Variants in SRBD1 observed in about 807,000 individuals in gnomAD.
The protein encoded by SRBD1 is S1 RNA binding domain 1.
Under a neutral mutation model 115.3 loss-of-function variants are expected in SRBD1, and 88 were observed. That is an observed-to-expected ratio of 0.76 (90% CI 0.64 to 0.91). SRBD1 has a LOEUF of 0.91. Ranked by LOEUF, SRBD1 falls within the 40% of genes least tolerant of loss-of-function variation. The pLI, the probability that SRBD1 is intolerant of heterozygous loss-of-function variation, is 0.00. For synonymous variants in SRBD1, 509 were observed against 407.7 expected, an observed-to-expected ratio of 1.25 and a Z score of -2.99; for missense variants, 1,385 against 1,177.4, an observed-to-expected ratio of 1.18 and a Z score of -2.58.
At chr2:45,570,882 A>C (rs1178590318) in intron 9 of SRBD1, among the ~76,000 whole-genome samples, 1 of 152,166 alleles carries the variant, frequency 6.6e-6, no homozygotes, top group Non-Finnish European at 1.5e-5. Context: ...AGGACAGAAG[A>C]AGCCTCCCAG....
intron 16 of SRBD1, among the ~76,000 whole-genome samples, chr2:45,475,568 T>C (rs1262718985): frequency 6.6e-6 from 1 of 152,222 alleles, no homozygotes; most frequent in Admixed American, 6.5e-5. Flanking sequence ...AATAGCTTAT[T>C]AGCCTGCCCA....
intron 19 of SRBD1, among the ~76,000 whole-genome samples, chr2:45,401,975 A>G (rs1221273782): frequency 6.6e-6 from 1 of 152,212 alleles, no homozygotes; most frequent in Non-Finnish European, 1.5e-5. Context: ...CTCAAGGAGC[A>G]GTTCAGAGAT....
chr2:45,499,271 A>C (rs936842805), intron 14 of SRBD1, among the ~76,000 whole-genome samples: 2 of 152,078 alleles, frequency 1.3e-5, no homozygotes, highest in Non-Finnish European at 2.9e-5. Flanking sequence ...TCTTTAATAT[A>C]TCTAGTGGTT....
chr2:45,425,451 C>G (rs1316668675), intron 16 of SRBD1, among the ~76,000 whole-genome samples: 1 of 151,998 alleles, frequency 6.6e-6, no homozygotes, highest in Admixed American at 6.6e-5. Flanking sequence ...GTGACTTGTA[C>G]AAATAAATTA....
intron 4 of SRBD1, among the ~76,000 whole-genome samples, chr2:45,593,052 T>A (rs61127409): frequency 0.013 from 1,958 of 152,262 alleles, 28 homozygotes; most frequent in African/African-American, 0.037. Context: ...TTATATTTTT[T>A]AAAAATTAAC....
chr2:45,460,308 A>G (rs1572664748), intron 16 of SRBD1, among the ~76,000 whole-genome samples: 1 of 152,308 alleles, frequency 6.6e-6, no homozygotes, highest in South Asian at 2.1e-4. Context: ...GTCAACACAT[A>G]TCCGACTAGG....
At chr2:45,607,557 A>G (rs1180445257) in intron 1 of SRBD1, among the ~76,000 whole-genome samples, 2 of 152,194 alleles carry the variant, frequency 1.3e-5, no homozygotes, top group African/African-American at 4.8e-5. Context: ...ATTGCAACAC[A>G]TAAAAATTAA....
chr2:45,522,299 A>G (rs1304186886), intron 14 of SRBD1, among the ~76,000 whole-genome samples: 1 of 152,038 alleles, frequency 6.6e-6, no homozygotes, highest in Non-Finnish European at 1.5e-5. Context: ...CAGCCTCCCA[A>G]GTAGCTGTAG....
chr2:45,438,434 G>T (rs932960354), intron 16 of SRBD1, among the ~76,000 whole-genome samples: 2 of 152,154 alleles, frequency 1.3e-5, no homozygotes, highest in African/African-American at 2.4e-5. Context: ...GGATGACCCA[G>T]ATGTTGGAAA....
At chr2:45,589,608 G>T (rs976428947) in intron 4 of SRBD1, among the ~76,000 whole-genome samples, 2 of 152,194 alleles carry the variant, frequency 1.3e-5, no homozygotes, top group African/African-American at 4.8e-5. Context: ...CCAGACACTG[G>T]ATGGTACTAG....
intron 20 of SRBD1, among the ~76,000 whole-genome samples, chr2:45,391,007 G>C (rs181547269): frequency 2.6e-4 from 39 of 152,214 alleles, no homozygotes; most frequent in Non-Finnish European, 4.4e-4. Flanking sequence ...CACTGATCAG[G>C]GGCAGAGGTA....
intron 19 of SRBD1, among the ~76,000 whole-genome samples, chr2:45,403,470 T>C (rs1379209672): frequency 6.6e-6 from 1 of 152,182 alleles, no homozygotes; most frequent in East Asian, 1.9e-4. Context: ...ATTTATTTTT[T>C]CATCAAACAT....
In SRBD1 at chr2:45,418,242, C is replaced by T. The variant is rs1459991432; in HGVS notation, c.2333+123G>A. The T allele has an allele frequency of 5.3e-5, 61 of 1,152,732 alleles. No homozygotes were observed. The South Asian group carries it at 1.1e-3, about 21-fold the overall frequency. The allele number at this position is 1,152,732 out of a possible 1,614,324, so 71.4% of individuals were successfully genotyped here. On this transcript the variant is annotated intron_variant, in intron 18 of 20. Transcript: ENST00000263736. ...CCTACCAAAGGACAGTCACTCAACA[C>T]TTAACTGAATGAAGGCATGAACAAT...
At chr2:45,527,065 T>A (rs750844202) in intron 14 of SRBD1, among the ~76,000 whole-genome samples, 8 of 151,948 alleles carry the variant, frequency 5.3e-5, no homozygotes, top group African/African-American at 1.7e-4. Flanking sequence ...AGCTTTAATC[T>A]GAAAAGCATA....
chr2:45,505,445 C>T (rs1670768166), intron 14 of SRBD1, among the ~76,000 whole-genome samples: 1 of 152,144 alleles, frequency 6.6e-6, no homozygotes, highest in African/African-American at 2.4e-5. Flanking sequence ...CCCAGAGAAA[C>T]ATCCAACTCA....
intron 19 of SRBD1, among the ~76,000 whole-genome samples, chr2:45,397,194 CT>C (rs1667170976): frequency 6.6e-6 from 1 of 152,142 alleles, no homozygotes; most frequent in Admixed American, 6.5e-5. Context: ...AAAAAGAAAG[CT>C]TATACTCTAA....
rs1400506551 is a variant in SRBD1, at chr2:45,598,459, G to A, written c.648+990C>T. ...GAAACCCTGTCTCTACTAAAAATACGAAAAATTAGCCGGGCGTGGTGGCAG... is the reference window on the plus strand; with the variant it reads ...GAAACCCTGTCTCTACTAAAAATACAAAAAATTAGCCGGGCGTGGTGGCAG... On this transcript the variant is annotated intron_variant, in intron 4 of 20. Transcript: ENST00000263736. Among the ~76,000 whole-genome samples, 7 of 151,450 alleles carry A rather than the reference G, an allele frequency of 4.6e-5. 1 individual carries two copies. The highest frequency in any genetic ancestry group is 4.2e-4 in the South Asian group (2 of 4,778).
intron 16 of SRBD1, among the ~76,000 whole-genome samples, chr2:45,435,083 T>C (rs962234346): frequency 2.0e-5 from 3 of 152,154 alleles, no homozygotes; most frequent in Non-Finnish European, 1.5e-5. Flanking sequence ...TTCATCCATG[T>C]CCCTACAAAG....
intron 14 of SRBD1, among the ~76,000 whole-genome samples, chr2:45,540,607 G>C (rs1671903858): frequency 6.6e-6 from 1 of 152,044 alleles, no homozygotes; most frequent in Non-Finnish European, 1.5e-5. Context: ...GGGAAAAAAT[G>C]TTTATGAAAC....
Sources: allele counts gnomAD v4.1 joint callset (sites outside exome capture counted in the v4.1 genomes callset), GRCh38; gene constraint gnomAD v4.1.1; transcripts MANE v1.5; gene names NCBI Gene and HGNC (gene_info 2026-07-23, HGNC 2026-07-21).